PIK3CA: variants seen among roughly 807,000 people sequenced by gnomAD.
PIK3CA encodes phosphatidylinositol-4,5-bisphosphate 3-kinase catalytic subunit alpha, also known as phosphatidylinositol 4,5-bisphosphate 3-kinase catalytic subunit alpha isoform.
In PIK3CA, 27 loss-of-function variants were observed where a neutral mutation model predicts 138.2. That is an observed-to-expected ratio of 0.20 (90% CI 0.14 to 0.27). PIK3CA has a LOEUF of 0.27. Among genes scored for constraint, PIK3CA ranks in the 10% least tolerant of loss-of-function variants. The pLI, the probability that PIK3CA is intolerant of heterozygous loss-of-function variation, is 1.00. For missense variants in PIK3CA, 544 were observed against 1,277.4 expected (o/e 0.43, Z 8.75); for synonymous variants, 358 against 413.2 (o/e 0.87, Z 1.62).
chr3:179,236,748 G>C lies in PIK3CA; in HGVS notation c.*2384G>C, dbSNP rs1725340343. ...TACTACAACCAAATTAATTCTATTA[G>C]AAGAAATGTAGACAAATTCTATAAA... On this transcript the variant is annotated 3_prime_UTR_variant, in exon 21 of 21. Coordinates refer to ENST00000263967, the MANE Select transcript of PIK3CA (RefSeq NM_006218.4). 1 of 220,560 alleles carries C rather than the reference G, an allele frequency of 4.5e-6. No homozygotes were observed. Among genetic ancestry groups the C allele is most frequent in the Admixed American group, 5.8e-5 (1 of 17,216 alleles). The allele number at this position is 220,560 out of a possible 1,614,324, so 13.7% of individuals were successfully genotyped here.
At chr3:179,161,911 G>A (rs1723292983) in intron 1 of PIK3CA, among the ~76,000 whole-genome samples, 1 of 152,104 alleles carries the variant, frequency 6.6e-6, no homozygotes, top group Non-Finnish European at 1.5e-5. Context: ...TTAAAAAGCT[G>A]AGTGATTAAA....
At chr3:179,214,061 AGTT>A (rs910330853) in intron 9 of PIK3CA, among the ~76,000 whole-genome samples, 2 of 152,228 alleles carry the variant, frequency 1.3e-5, no homozygotes, top group Non-Finnish European at 2.9e-5. Context: ...CTTAAGGAAA[AGTT>A]GTGGCTGGTT....
In PIK3CA at chr3:179,203,565, C is replaced by T. The variant is rs1260908401; in HGVS notation, c.835C>T (p.Leu279Phe). 1.9e-6 allele frequency: 3 copies of T among 1,613,784 alleles called. No individual in the cohort carries two copies. The highest frequency in any genetic ancestry group is 2.5e-6 in the Non-Finnish European group (3 of 1,179,870). Reference sequence around the variant, plus strand: ...ACAGTATATAAGAAGCTGTATAATGCTTGGGAGGATGCCCAATTTGATGTT... The same window carrying T: ...ACAGTATATAAGAAGCTGTATAATGTTTGGGAGGATGCCCAATTTGATGTT... ...QYKYIRSCIMLGRMPNLMLMA... is the reference protein window; with the variant it reads ...QYKYIRSCIMFGRMPNLMLMA... Residue 279 changes from leucine to phenylalanine, a missense_variant, in exon 5 of 21, where the codon CTT becomes TTT. By Grantham distance (22) the Leu-to-Phe change is conservative. Around this residue, in one of 14 missense-constraint regions of PIK3CA, gnomAD observed 234 missense variants for 401.3 expected, o/e 0.58. Transcript: ENST00000263967.
intron 17 of PIK3CA, 36 bp from the exon 18 acceptor site, chr3:179,229,236 C>T (rs2108422278): frequency 3.3e-6 from 5 of 1,525,120 alleles, no homozygotes; most frequent in South Asian, 2.4e-5. Context: ...TTTAAAATTC[C>T]ATCATTTAAT....
At chr3:179,210,369 T>A (rs201326010) in intron 8 of PIK3CA, 31 bp downstream of exon 8, 114 of 1,583,282 alleles carry the variant, frequency 7.2e-5, no homozygotes, top group Admixed American at 3.9e-4. Flanking sequence ...AATTAGATAT[T>A]TTTTATGGCA....
rs189504539 is a variant in PIK3CA at position 179,230,664 on chromosome 3, G to A, written c.2936+288G>A. 2.0e-5 allele frequency among the ~76,000 whole-genome samples: 3 copies of A among 152,198 alleles called. No homozygotes were observed. In the East Asian group the frequency reaches 5.8e-4, roughly 29 times the overall value. ...AGCTACTCAGGAGGCTGAGATGGGAGGATCACTTGAGCCCAGGAGGTTGAG... is the reference window on the plus strand; with the variant it reads ...AGCTACTCAGGAGGCTGAGATGGGAAGATCACTTGAGCCCAGGAGGTTGAG... On this transcript the variant is annotated intron_variant, in intron 20 of 20. Coordinates refer to ENST00000263967, the MANE Select transcript of PIK3CA (RefSeq NM_006218.4). This position sits in a 1 kb window ranked among gnomAD's most constrained non-coding sequence, Gnocchi z 5.4.
Position 179,221,696 on chromosome 3 carries a change from C to CTTTTTT in PIK3CA, c.2187+563_2187+568dup, listed in dbSNP as rs200211358. Among the ~76,000 whole-genome samples the CTTTTTT allele has an allele frequency of 9.0e-5, 7 of 77,570 alleles. 1 individual carries two copies. Among genetic ancestry groups the CTTTTTT allele is most frequent in the African/African-American group, 2.2e-4 (4 of 18,226 alleles). 50.9% of individuals were successfully genotyped at this position (77,570 alleles called of 152,430 possible). A position where few individuals can be genotyped will look rare whatever the true frequency, so the allele number is the denominator to read the frequency against. Reference sequence around the variant, plus strand: ...CTAAGAGTAGGAAATACAATGTAAACTTTTTTTTTTTTTTTTTTTTTTTTT... The same window carrying CTTTTTT: ...CTAAGAGTAGGAAATACAATGTAAACTTTTTTTTTTTTTTTTTTTTTTTTTTTTTTT... On this transcript the variant is annotated intron_variant, in intron 14 of 20. Transcript: ENST00000263967.
chr3:179,204,200 C>T (rs1265993433), intron 5 of PIK3CA, among the ~76,000 whole-genome samples: 5 of 152,130 alleles, frequency 3.3e-5, no homozygotes, highest in African/African-American at 1.2e-4. Context: ...TTAGTAAGTA[C>T]GTGTACCAAT....
At position 179,173,834 on chromosome 3, in the gene PIK3CA, C is replaced by T. The variant is rs367900126; in HGVS notation, c.-76-24916C>T. ...CTCCGCCTCCCTGGTTCAAGTGATT[C>T]TTCTGCCTCAGCCTCCCAAGTAGCT... On this transcript the variant is annotated intron_variant, in intron 1 of 20. Transcript: ENST00000263967. 2.9e-3 allele frequency among the ~76,000 whole-genome samples: 439 copies of T among 152,006 alleles called. 1 individual carries two copies. Among genetic ancestry groups the T allele is most frequent in the African/African-American group, 9.6e-3 (398 of 41,534 alleles).
At chr3:179,196,071 C>T (rs1276333046) in intron 1 of PIK3CA, among the ~76,000 whole-genome samples, 1 of 152,072 alleles carries the variant, frequency 6.6e-6, no homozygotes, top group Non-Finnish European at 1.5e-5. Flanking sequence ...GTTAATTACC[C>T]ATAAATATAC....
chr3:179,192,509 G>A (rs1405746590), intron 1 of PIK3CA, among the ~76,000 whole-genome samples: 2 of 152,246 alleles, frequency 1.3e-5, no homozygotes, highest in Non-Finnish European at 2.9e-5. Context: ...TAGGACTGTA[G>A]TTTGCAGAGG....
intron 1 of PIK3CA, among the ~76,000 whole-genome samples, chr3:179,172,867 T>G (rs1723594474): frequency 6.6e-6 from 1 of 152,092 alleles, no homozygotes; most frequent in Non-Finnish European, 1.5e-5. Flanking sequence ...TAACCACACA[T>G]AAAAACTATA....
At chr3:179,224,656 TAATA>T in intron 15 of PIK3CA, 40 bp from the exon 16 acceptor site, 1 of 1,324,360 alleles carries the variant, frequency 7.6e-7, no homozygotes, top group Non-Finnish European at 1.0e-6. Context: ...GGTAAAATAA[TAATA>T]AAGCAAAGGT....
At chr3:179,233,527 T>C (rs1167035579) in intron 20 of PIK3CA, among the ~76,000 whole-genome samples, 11 of 152,176 alleles carry the variant, frequency 7.2e-5, no homozygotes, top group Admixed American at 7.2e-4. Flanking sequence ...TCCTTAAACT[T>C]CATAACACAT....
intron 1 of PIK3CA, among the ~76,000 whole-genome samples, chr3:179,173,404 C>CAAAAAA (rs749831764): frequency 9.3e-5 from 4 of 43,110 alleles, no homozygotes; most frequent in Non-Finnish European, 1.4e-4. Context: ...GCTAAAAATA[C>CAAAAAA]AAAAAAAAAA....
intron 9 of PIK3CA, among the ~76,000 whole-genome samples, chr3:179,211,372 A>G (rs1266458976): frequency 6.6e-6 from 1 of 152,122 alleles, no homozygotes; most frequent in Non-Finnish European, 1.5e-5. Context: ...GCATATATCC[A>G]CTTAAAATGC....
rs1724924484 is a variant in PIK3CA at position 179,219,800 on chromosome 3, A to G, written c.1911+65A>G. The G allele has an allele frequency of 1.4e-6, 2 of 1,424,922 alleles. No individual in the cohort carries two copies. Among genetic ancestry groups the G allele is most frequent in the South Asian group, 1.3e-5 (1 of 77,684 alleles). 88.3% of individuals were successfully genotyped at this position (1,424,922 alleles called of 1,614,324 possible). Reference sequence around the variant, plus strand: ...TAATAATTTATTCTAGATCCATACAACTTCCTTTTAAAAAACCTACTGCAC... The same window carrying G: ...TAATAATTTATTCTAGATCCATACAGCTTCCTTTTAAAAAACCTACTGCAC... On this transcript the variant is annotated intron_variant, in intron 12 of 20. Transcript: ENST00000263967. The surrounding 1 kb of genome is among the most constrained non-coding windows in gnomAD (Gnocchi z 4.2).
intron 1 of PIK3CA, among the ~76,000 whole-genome samples, chr3:179,169,611 A>G (rs1434491780): frequency 6.6e-6 from 1 of 152,150 alleles, no homozygotes; most frequent in African/African-American, 2.4e-5. Context: ...CCTATACAAA[A>G]TTGCAGCAAC....
At chr3:179,152,119 C>T (rs527517832) in intron 1 of PIK3CA, among the ~76,000 whole-genome samples, 40 of 152,240 alleles carry the variant, frequency 2.6e-4, no homozygotes, top group African/African-American at 9.6e-4. Flanking sequence ...AGTTTTTATT[C>T]TTGCCAATTT....
Sources: gnomAD v4.1 joint callset for allele counts (sites outside exome capture counted in the v4.1 genomes callset) on GRCh38, gnomAD v4.1.1 for gene constraint, gnomAD v4.1.1 regional missense constraint, Gnocchi (gnomAD v3.1) non-coding constraint, MANE v1.5 for transcripts, NCBI Gene and HGNC (gene_info 2026-07-23, HGNC 2026-07-21) for gene names.